PCDHGB1: variants seen among roughly 807,000 people sequenced by gnomAD.
PCDHGB1 encodes the protein protocadherin gamma-B1.
A neutral mutation model predicts 56.6 loss-of-function variants in PCDHGB1; 34 were observed. The observed-to-expected ratio is 0.60, with a 90% CI of 0.46 to 0.80. PCDHGB1 has a LOEUF of 0.80. Among genes scored for constraint, PCDHGB1 ranks in the 30% least tolerant of loss-of-function variants. The probability of loss-of-function intolerance (pLI) is 0.00; values close to 1 mark genes in which losing one functional copy is unlikely to be tolerated. For missense variants in PCDHGB1, 1,278 were observed against 1,204.6 expected (o/e 1.06, Z -0.90); for synonymous variants, 561 against 505.9 (o/e 1.11, Z -1.46).
intron 1 of PCDHGB1, chr5:141,376,562 C>G: frequency 1.2e-6 from 2 of 1,608,850 alleles, no homozygotes; most frequent in Non-Finnish European, 8.5e-7. Context: ...CGCAACCCAA[C>G]TAATCAGACA....
chr5:141,413,932 G>T (rs762255781), intron 1 of PCDHGB1: 2 of 1,613,426 alleles, frequency 1.2e-6, no homozygotes, highest in Admixed American at 1.7e-5. Context: ...AGAATACCGA[G>T]TGAGTGTTCC....
chr5:141,408,461 A>G, intron 1 of PCDHGB1: 4 of 1,614,044 alleles, frequency 2.5e-6, no homozygotes, highest in Non-Finnish European at 3.4e-6. Context: ...CTTACTTGTG[A>G]AGAACCGAAT....
chr5:141,352,785 T>A, intron 1 of PCDHGB1, 116 bp downstream of exon 1: 1 of 1,073,222 alleles, frequency 9.3e-7, no homozygotes, highest in Non-Finnish European at 1.3e-6. Context: ...AGGTCAGGAG[T>A]TTGAGACCAG....
At chr5:141,450,679 G>A (rs2098690217) in intron 1 of PCDHGB1, among the ~76,000 whole-genome samples, 2 of 151,914 alleles carry the variant, frequency 1.3e-5, no homozygotes, top group Non-Finnish European at 2.9e-5. Context: ...TAGAAACGGG[G>A]TTTTGCCATG....
At chr5:141,366,782 G>T in intron 1 of PCDHGB1, 4 of 1,580,298 alleles carry the variant, frequency 2.5e-6, no homozygotes, top group South Asian at 1.2e-5. Flanking sequence ...AGGATGACCA[G>T]AACATTTTCA....
chr5:141,371,170 C>T lies in PCDHGB1; in HGVS notation c.2409+18501C>T, dbSNP rs1228264781. 7 of 1,613,892 alleles carry T rather than the reference C, an allele frequency of 4.3e-6. No homozygotes were observed. The Admixed American group carries it at 1.0e-4, about 23-fold the overall frequency. On this transcript the variant is annotated intron_variant, in intron 1 of 3. Coordinates refer to ENST00000523390, the MANE Select transcript of PCDHGB1 (RefSeq NM_018922.3). Reference sequence around the variant, plus strand: ...GTTGCAGAGAACCTGCCCGCTGGCTCCTCCGTATTAAAAGTGATGGCCATT... The same window carrying T: ...GTTGCAGAGAACCTGCCCGCTGGCTTCTCCGTATTAAAAGTGATGGCCATT...
At chr5:141,422,638 T>C (rs1412270971) in intron 1 of PCDHGB1, 1 of 1,612,392 alleles carries the variant, frequency 6.2e-7, no homozygotes, top group Non-Finnish European at 8.5e-7. Context: ...CAGGGGTGCC[T>C]CCATCTTCTC....
At position 141,490,908 on chromosome 5, in the gene PCDHGB1, C is replaced by A; in HGVS notation, c.2410-3899C>A. On this transcript the variant is annotated intron_variant, in intron 1 of 3. Coordinates refer to ENST00000523390, the MANE Select transcript of PCDHGB1 (RefSeq NM_018922.3). The surrounding 1 kb of genome is among the most constrained non-coding windows in gnomAD (Gnocchi z 5.4). The stretch of plus-strand genomic sequence containing the variant: ...CATCTCTGCATGTGTTTGTCCTAGA[C>A]GAGAATGATAATGCCCCAGCTGTGC... The A allele has an allele frequency of 6.2e-7, 1 of 1,613,710 alleles. No homozygotes were observed. Among genetic ancestry groups the A allele is most frequent in the Non-Finnish European group, 8.5e-7 (1 of 1,179,754 alleles).
Position 141,486,697 on chromosome 5 carries a change from C to G in PCDHGB1, c.2410-8110C>G. 1 of 1,614,176 alleles carries G rather than the reference C, an allele frequency of 6.2e-7. No individual in the cohort carries two copies. The highest frequency in any genetic ancestry group is 8.5e-7 in the Non-Finnish European group (1 of 1,180,032). ...GAGATGTATCAGCTTCCTCTTTCATCTCTCTGAACCCCCAGACAGGAGCTG... is the reference window on the plus strand; with the variant it reads ...GAGATGTATCAGCTTCCTCTTTCATGTCTCTGAACCCCCAGACAGGAGCTG... On this transcript the variant is annotated intron_variant, in intron 1 of 3. Coordinates refer to ENST00000523390, the MANE Select transcript of PCDHGB1 (RefSeq NM_018922.3). The surrounding 1 kb of genome is among the most constrained non-coding windows in gnomAD (Gnocchi z 5.0).
chr5:141,404,085 A>G, intron 1 of PCDHGB1: 1 of 1,613,618 alleles, frequency 6.2e-7, no homozygotes, highest in South Asian at 1.1e-5. Context: ...GACTCCGGGA[A>G]GAATGGTCAA....
chr5:141,422,922 C>T (rs1244444241), intron 1 of PCDHGB1: 1 of 1,614,130 alleles, frequency 6.2e-7, no homozygotes, highest in Non-Finnish European at 8.5e-7. Flanking sequence ...AGATCCTGTA[C>T]CCTGCCCTCC....
At chr5:141,478,864 A>G in intron 1 of PCDHGB1, 1 of 1,322,156 alleles carries the variant, frequency 7.6e-7, no homozygotes, top group Non-Finnish European at 1.0e-6. Flanking sequence ...GATCTCAGCG[A>G]TCAGAGTTTA....
intron 1 of PCDHGB1, among the ~76,000 whole-genome samples, chr5:141,460,992 T>C (rs2099006034): frequency 6.6e-6 from 1 of 151,316 alleles, no homozygotes; most frequent in South Asian, 2.1e-4. Context: ...TGTATATATA[T>C]ATATGTGTAT....
rs2096271749 is a variant in PCDHGB1, at chr5:141,418,581, T to G, written c.2409+65912T>G. On this transcript the variant is annotated intron_variant, in intron 1 of 3. Coordinates refer to ENST00000523390, the MANE Select transcript of PCDHGB1 (RefSeq NM_018922.3). The stretch of plus-strand genomic sequence containing the variant: ...ATAGATGCCAATGACAACCCCCCAG[T>G]GTTCAGCCAGGACGTGTACAGGGTT... The G allele has an allele frequency of 2.5e-6, 4 of 1,613,854 alleles. No homozygotes were observed. The South Asian group carries it at 4.4e-5, about 18-fold the overall frequency.
Position 141,361,471 on chromosome 5 carries a change from A to G in PCDHGB1, c.2409+8802A>G, listed in dbSNP as rs748732304. The G allele has an allele frequency of 3.1e-6, 5 of 1,613,870 alleles. No individual in the cohort carries two copies. The South Asian group carries it at 3.3e-5, about 11-fold the overall frequency. On this transcript the variant is annotated intron_variant, in intron 1 of 3. Transcript: ENST00000523390. ...TGTCACCCTGCACATCTCCGACGTC[A>G]ACGATAATGCCCCAGTTTTCCAACA...
At chr5:141,389,620 C>T (rs1447057180) in intron 1 of PCDHGB1, 1 of 1,613,032 alleles carries the variant, frequency 6.2e-7, no homozygotes, top group African/African-American at 1.3e-5. Context: ...GTGCCGCACG[C>T]TGCAGAGCCT....
intron 1 of PCDHGB1, chr5:141,403,605 G>A (rs2094432434): frequency 6.2e-7 from 1 of 1,613,690 alleles, no homozygotes; most frequent in Admixed American, 1.7e-5. Context: ...TCGGATGGCG[G>A]CGAGCCGCGT....
rs765809429 is a variant in PCDHGB1 at position 141,511,205 on chromosome 5, C to A, written c.*32C>A. On this transcript the variant is annotated 3_prime_UTR_variant, in exon 4 of 4. Coordinates refer to ENST00000523390, the MANE Select transcript of PCDHGB1 (RefSeq NM_018922.3). ...GGCCAGGCCAAGAGCCACAGGGCGGCCTCTCCCCAACCAGCCCAGCTTCTC... is the reference window on the plus strand; with the variant it reads ...GGCCAGGCCAAGAGCCACAGGGCGGACTCTCCCCAACCAGCCCAGCTTCTC... 4.3e-6 allele frequency: 7 copies of A among 1,611,426 alleles called. No homozygotes were observed. The Admixed American group carries it at 6.7e-5, about 15-fold the overall frequency.
At chr5:141,462,360 A>G (rs1400686908) in intron 1 of PCDHGB1, among the ~76,000 whole-genome samples, 1 of 152,238 alleles carries the variant, frequency 6.6e-6, no homozygotes, top group Non-Finnish European at 1.5e-5. Flanking sequence ...TATACATTGT[A>G]TAGTTTCTAT....
Sources: allele counts gnomAD v4.1 joint callset (sites outside exome capture counted in the v4.1 genomes callset), GRCh38; gene constraint gnomAD v4.1.1; non-coding constraint Gnocchi (gnomAD v3.1); transcripts MANE v1.5; gene names NCBI Gene and HGNC (gene_info 2026-07-23, HGNC 2026-07-21).